The following KCNJ6 variants were observed in gnomAD, a reference collection of about 807,000 sequenced individuals.
KCNJ6 encodes potassium inwardly rectifying channel subfamily J member 6.
In KCNJ6, 9 loss-of-function variants were observed where a neutral mutation model predicts 34.2. The ratio of observed to expected loss-of-function variants is 0.26; its 90% CI spans 0.16 to 0.46. The LOEUF (loss-of-function observed/expected upper bound fraction) is 0.46. Ranked by LOEUF, KCNJ6 falls within the 20% of genes least tolerant of loss-of-function variation. The probability of loss-of-function intolerance (pLI) is 1.00; values close to 1 mark genes in which losing one functional copy is unlikely to be tolerated. For synonymous variants in KCNJ6, 196 were observed against 207.1 expected (o/e 0.95, Z 0.46); for missense variants, 236 against 531.3 (o/e 0.44, Z 5.46).
At chr21:37,704,653 A>AGTTGTT (rs2054709535) in intron 3 of KCNJ6, among the ~76,000 whole-genome samples, 2 of 117,654 alleles carry the variant, frequency 1.7e-5, no homozygotes, top group South Asian at 2.8e-4. Flanking sequence ...CCTCAGTATG[A>AGTTGTT]GTCGTCGTCA....
In KCNJ6 at chr21:37,809,276, C is replaced by T. The variant is rs374789119; in HGVS notation, c.25+31382G>A. ...CATTCTCAGCAAACTATCGCAAGGA[C>T]AAAAAACCAAACACCGCATGTTCTC... On this transcript the variant is annotated intron_variant, in intron 2 of 3. Coordinates refer to ENST00000609713, the MANE Select transcript of KCNJ6 (RefSeq NM_002240.5). Among the ~76,000 whole-genome samples the T allele has an allele frequency of 3.5e-4, 53 of 149,612 alleles. No homozygotes were observed. In the South Asian group the frequency reaches 8.4e-3, roughly 24 times the overall value.
intron 2 of KCNJ6, among the ~76,000 whole-genome samples, chr21:37,761,538 CGT>C (rs1307921033): frequency 6.2e-4 from 57 of 91,574 alleles, no homozygotes; most frequent in Non-Finnish European, 1.1e-3. Flanking sequence ...TGGTGTGTGT[CGT>C]GTGTGTGGTA....
At chr21:37,767,779 TCTCC>T (rs1160415322) in intron 2 of KCNJ6, among the ~76,000 whole-genome samples, 4 of 152,226 alleles carry the variant, frequency 2.6e-5, no homozygotes, top group Admixed American at 1.3e-4. Context: ...TGTTTTTTTC[TCTCC>T]CTCCAATAGT....
At chr21:37,642,847 A>C (rs575221937) in intron 3 of KCNJ6, among the ~76,000 whole-genome samples, 1 of 152,316 alleles carries the variant, frequency 6.6e-6, no homozygotes, top group East Asian at 1.9e-4. Flanking sequence ...AGATACTTAT[A>C]ACTAAAATGT....
chr21:37,730,031 CCTT>C (rs1225071976), intron 2 of KCNJ6, among the ~76,000 whole-genome samples: 6 of 152,198 alleles, frequency 3.9e-5, no homozygotes, highest in Admixed American at 3.9e-4. Context: ...GTCCGTTCCT[CCTT>C]CTGTGTTTCC....
At chr21:37,693,379 G>A (rs989823777) in intron 3 of KCNJ6, among the ~76,000 whole-genome samples, 1 of 152,188 alleles carries the variant, frequency 6.6e-6, no homozygotes, top group Non-Finnish European at 1.5e-5. Context: ...CTGAGTTGCA[G>A]AATGAAGGAG....
At chr21:37,795,833 C>A (rs1370214638) in intron 2 of KCNJ6, among the ~76,000 whole-genome samples, 1 of 151,688 alleles carries the variant, frequency 6.6e-6, no homozygotes, top group Admixed American at 6.6e-5. Context: ...CTCTTTAGGG[C>A]CTCAAGAATG....
chr21:37,655,225 GAGAGAGAGAGA>G (rs2054456489), intron 3 of KCNJ6, among the ~76,000 whole-genome samples: 2 of 1,826 alleles, frequency 1.1e-3, no homozygotes, highest in African/African-American at 5.0e-3. Flanking sequence ...GTGTGTGTGT[GAGAGAGAGAGA>G]GAGAGAGAGA....
intron 1 of KCNJ6, among the ~76,000 whole-genome samples, chr21:37,842,902 T>C (rs888816016): frequency 1.3e-5 from 2 of 152,176 alleles, no homozygotes; most frequent in African/African-American, 4.8e-5. Context: ...CTTCCCCTCA[T>C]AGCCCAGCTC....
intron 1 of KCNJ6, among the ~76,000 whole-genome samples, chr21:37,868,892 T>C (rs2055636434): frequency 6.6e-6 from 1 of 152,222 alleles, no homozygotes; most frequent in African/African-American, 2.4e-5. Flanking sequence ...GGAAGCTATT[T>C]ATGTGGATGA....
chr21:37,790,334 A>G (rs758272966), intron 2 of KCNJ6, among the ~76,000 whole-genome samples: 6 of 152,224 alleles, frequency 3.9e-5, no homozygotes, highest in Non-Finnish European at 8.8e-5. Flanking sequence ...AAAAGCAGGC[A>G]GTAGGGGGGC....
chr21:37,723,935 A>T (rs1187479241), intron 2 of KCNJ6, among the ~76,000 whole-genome samples: 4 of 141,664 alleles, frequency 2.8e-5, no homozygotes, highest in Non-Finnish European at 6.1e-5. Flanking sequence ...GAAAACAAAT[A>T]AAAAAAAAAA....
At chr21:37,887,649 G>T (rs1283111350) in intron 1 of KCNJ6, among the ~76,000 whole-genome samples, 1 of 152,146 alleles carries the variant, frequency 6.6e-6, no homozygotes, top group Non-Finnish European at 1.5e-5. Context: ...GGTGGTCTGG[G>T]ATCCCCTCTC....
At chr21:37,686,365 C>A (rs2123423473) in intron 3 of KCNJ6, among the ~76,000 whole-genome samples, 1 of 150,738 alleles carries the variant, frequency 6.6e-6, no homozygotes, top group East Asian at 2.0e-4. Context: ...AAGCTAGTGT[C>A]TGGGAAGGAG....
intron 2 of KCNJ6, among the ~76,000 whole-genome samples, chr21:37,796,445 T>C (rs1036603492): frequency 1.4e-4 from 21 of 152,224 alleles, no homozygotes; most frequent in African/African-American, 4.8e-4. Flanking sequence ...GCCAGTAGCC[T>C]GACCTGAAGG....
At chr21:37,871,244 C>T (rs932683093) in intron 1 of KCNJ6, among the ~76,000 whole-genome samples, 4 of 152,174 alleles carry the variant, frequency 2.6e-5, no homozygotes, top group African/African-American at 9.7e-5. Context: ...ATGAAGATAG[C>T]TTGCATGACA....
intron 1 of KCNJ6, among the ~76,000 whole-genome samples, chr21:37,850,392 T>G (rs2055531540): frequency 6.6e-6 from 1 of 151,982 alleles, no homozygotes; most frequent in Admixed American, 6.6e-5. Flanking sequence ...AGGTGAGCAT[T>G]TCCACCTGAG....
At chr21:37,793,493 C>T (rs2123523953) in intron 2 of KCNJ6, among the ~76,000 whole-genome samples, 1 of 143,990 alleles carries the variant, frequency 6.9e-6, no homozygotes, top group South Asian at 2.2e-4. Context: ...CTATTGTGAA[C>T]CAAGATAGCG....
chr21:37,891,387 ACT>A (rs945285109), intron 1 of KCNJ6, among the ~76,000 whole-genome samples: 16 of 152,260 alleles, frequency 1.1e-4, no homozygotes, highest in African/African-American at 3.9e-4. Context: ...AGGCATGTAC[ACT>A]CTGCACTGTA....
Sources: allele counts gnomAD v4.1 joint callset (sites outside exome capture counted in the v4.1 genomes callset), GRCh38; gene constraint gnomAD v4.1.1; transcripts MANE v1.5; gene names NCBI Gene and HGNC (gene_info 2026-07-23, HGNC 2026-07-21).